Variants in CCDC124 observed in about 807,000 individuals in gnomAD.
The protein encoded by CCDC124 is coiled-coil domain containing 124, also known as coiled-coil domain-containing protein 124.
A neutral mutation model predicts 19.8 loss-of-function variants in CCDC124; 9 were observed. The ratio of observed to expected loss-of-function variants is 0.45; its 90% CI spans 0.27 to 0.79. The LOEUF is 0.79. Among genes scored for constraint, CCDC124 ranks in the 30% least tolerant of loss-of-function variants. The pLI is 0.14. For synonymous variants in CCDC124, 126 were observed against 131.3 expected (o/e 0.96, Z 0.27); for missense variants, 285 against 319.0 (o/e 0.89, Z 0.81).
At position 17,943,706 on chromosome 19, in the gene CCDC124, C is replaced by A. The variant is rs1230733644; in HGVS notation, c.663C>A (p.Ala221=). 6.2e-7 allele frequency: 1 copy of A among 1,612,520 alleles called. No individual in the cohort carries two copies. Among genetic ancestry groups the A allele is most frequent in the African/African-American group, 1.3e-5 (1 of 75,038 alleles). Residue 221 remains alanine, a synonymous_variant, in exon 5 of 5, where the codon GCC becomes GCA. Coordinates refer to ENST00000445755, the MANE Select transcript of CCDC124 (RefSeq NM_001136203.2). ...PMNQRAVPFN[A]PK ...ACCAGCGGGCCGTGCCCTTCAATGC[C>A]CCCAAGTGAGCCCAGAACTTGGGGA...
At chr19:17,936,381 G>T in intron 1 of CCDC124, 29 bp from the exon 2 acceptor site, 5 of 1,576,956 alleles carry the variant, frequency 3.2e-6, no homozygotes, top group Non-Finnish European at 4.3e-6. Flanking sequence ...TCCGGCCCCT[G>T]CTCCCCCATC....
At chr19:17,934,619 T>TA (rs56743845) in intron 1 of CCDC124, among the ~76,000 whole-genome samples, 38,026 of 123,774 alleles carry the variant, frequency 0.31, 5,805 homozygotes, top group African/African-American at 0.37. Flanking sequence ...GACCCTGCCT[T>TA]AAAAAAAAAA....
chr19:17,943,696 C>T lies in CCDC124; in HGVS notation c.653C>T (p.Pro218Leu). The T allele has an allele frequency of 6.2e-7, 1 of 1,612,696 alleles. No individual in the cohort carries two copies. The highest frequency in any genetic ancestry group is 1.1e-5 in the South Asian group (1 of 91,036). The change falls in exon 5 of 5, where the codon CCC (proline) becomes CTC (leucine). Residue 218 changes from proline to leucine, a missense_variant. Pro to Leu is a moderately conservative substitution (Grantham distance 98, BLOSUM62 -3). Coordinates refer to ENST00000445755, the MANE Select transcript of CCDC124 (RefSeq NM_001136203.2). ...AACCCCATGAACCAGCGGGCCGTGCCCTTCAATGCCCCCAAGTGAGCCCAG... is the reference window on the plus strand; with the variant it reads ...AACCCCATGAACCAGCGGGCCGTGCTCTTCAATGCCCCCAAGTGAGCCCAG... ...PDNPMNQRAV[P>L]FNAPK
In CCDC124 at chr19:17,942,730, C is replaced by A; in HGVS notation, c.234C>A (p.Asp78Glu). The A allele has an allele frequency of 6.4e-7, 1 of 1,551,484 alleles. No homozygotes were observed. The highest frequency in any genetic ancestry group is 1.4e-5 in the African/African-American group (1 of 73,470). ...KETQRLLEEE[D>E]SKLKGGKAPR... is the part of the protein sequence containing the mutation. ...CGCAGCGCCTACTGGAGGAGGAGGA[C>A]TCCAAGCTCAAGGGCGGCAAGGCGC... The change falls in exon 3 of 5, where the codon GAC (aspartate) becomes GAA (glutamate). Residue 78 changes from aspartate (D) to glutamate (E), a missense_variant. Asp to Glu is a conservative substitution (Grantham distance 45, BLOSUM62 2). Coordinates refer to ENST00000445755, the MANE Select transcript of CCDC124 (RefSeq NM_001136203.2). This position sits in a 1 kb window ranked among gnomAD's most constrained non-coding sequence, Gnocchi z 4.2.
intron 1 of CCDC124, among the ~76,000 whole-genome samples, chr19:17,933,755 C>T (rs1382011025): frequency 6.6e-6 from 1 of 152,210 alleles, no homozygotes; most frequent in Non-Finnish European, 1.5e-5. Flanking sequence ...AGCCCTTTGA[C>T]CCAGGCTGGG....
intron 1 of CCDC124, chr19:17,936,166 A>T (rs1362206456): frequency 8.0e-6 from 3 of 374,212 alleles, no homozygotes; most frequent in Non-Finnish European, 1.4e-5. Flanking sequence ...CGGCCTCCCA[A>T]AGTGCTGGGA....
intron 4 of CCDC124, 65 bp downstream of exon 4, chr19:17,943,440 G>C: frequency 2.6e-6 from 4 of 1,559,748 alleles, no homozygotes; most frequent in Non-Finnish European, 3.5e-6. Context: ...GGGCTACCTG[G>C]GGGCGGGGCC....
intron 4 of CCDC124, 47 bp downstream of exon 4, chr19:17,943,422 C>CGGGGGCGGGGCTACCT (rs1174898236): frequency 6.4e-5 from 19 of 299,056 alleles, no homozygotes; most frequent in Non-Finnish European, 1.0e-4. Flanking sequence ...AGCTGGTCAT[C>CGGGGGCGGGGCTACCT]GGGGGCGGGG....
chr19:17,942,602 G>A lies in CCDC124; in HGVS notation c.160-54G>A. On this transcript the variant is annotated intron_variant, in intron 2 of 4. Transcript: ENST00000445755. This position sits in a 1 kb window ranked among gnomAD's most constrained non-coding sequence, Gnocchi z 4.2. Reference sequence around the variant, plus strand: ...ATGAAAACTCGAACCCCAGGCTAGTGGGTGGCGCGGGGGTGTGGGGTCTTC... The same window carrying A: ...ATGAAAACTCGAACCCCAGGCTAGTAGGTGGCGCGGGGGTGTGGGGTCTTC... 1 of 1,532,696 alleles carries A rather than the reference G, an allele frequency of 6.5e-7. No individual in the cohort carries two copies. The highest frequency in any genetic ancestry group is 8.8e-7 in the Non-Finnish European group (1 of 1,135,444). 94.9% of individuals were successfully genotyped at this position (1,532,696 alleles called of 1,614,324 possible).
rs2031220042 is a variant in CCDC124 at position 17,942,945 on chromosome 19, G to GGGCTC, written c.349+101_349+105dup. On this transcript the variant is annotated intron_variant, in intron 3 of 4. Coordinates refer to ENST00000445755, the MANE Select transcript of CCDC124 (RefSeq NM_001136203.2). The surrounding 1 kb of genome is among the most constrained non-coding windows in gnomAD (Gnocchi z 4.2). ...CTCCTGGCCCCCAGAGAAGCTGCCG[G>GGGCTC]GGCTCCACGTGGTGCAGGGTGGGTG... The GGGCTC allele has an allele frequency of 7.3e-7, 1 of 1,378,994 alleles. No individual in the cohort carries two copies. The highest frequency in any genetic ancestry group is 1.5e-5 in the African/African-American group (1 of 68,338). The allele number at this position is 1,378,994 out of a possible 1,614,324, so 85.4% of individuals were successfully genotyped here.
rs139484744 is a variant in CCDC124 at position 17,933,511 on chromosome 19, C to T, written c.-12+463C>T. ...TGCCCCTCGCCCAGCCTGAGCCACT[C>T]CCTGGGTACCGCCTGGGCTCCCAGC... On this transcript the variant is annotated intron_variant, in intron 1 of 4. Coordinates refer to ENST00000445755, the MANE Select transcript of CCDC124 (RefSeq NM_001136203.2). Among the ~76,000 whole-genome samples the T allele has an allele frequency of 1.5e-3, 227 of 152,266 alleles. 1 individual carries two copies. Among genetic ancestry groups the T allele is most frequent in the African/African-American group, 5.1e-3 (211 of 41,566 alleles).
intron 3 of CCDC124, 67 bp from the exon 4 acceptor site, chr19:17,943,194 T>C (rs2031226366): frequency 7.8e-7 from 1 of 1,283,364 alleles, no homozygotes. Context: ...AGTCTCTATC[T>C]CATCTCCTTG....
intron 2 of CCDC124, among the ~76,000 whole-genome samples, chr19:17,937,330 G>C (rs1300232738): frequency 6.6e-6 from 1 of 152,086 alleles, no homozygotes; most frequent in Non-Finnish European, 1.5e-5. Context: ...GCAGAGGGGA[G>C]GGAGGCAGAG....
intron 2 of CCDC124, among the ~76,000 whole-genome samples, chr19:17,938,477 C>T (rs1297246503): frequency 6.6e-6 from 1 of 152,188 alleles, no homozygotes; most frequent in East Asian, 1.9e-4. Context: ...GTTTCCACAC[C>T]CTGGGTAGCT....
intron 2 of CCDC124, among the ~76,000 whole-genome samples, chr19:17,938,837 T>C (rs2031115945): frequency 6.6e-6 from 1 of 151,610 alleles, no homozygotes; most frequent in South Asian, 2.1e-4. Flanking sequence ...GCTCAAACAG[T>C]CCTCCCACCT....
rs920230194 is a variant in CCDC124 at position 17,942,544 on chromosome 19, C to T, written c.160-112C>T. ...TCTTGTTCCTGGTATGTCCCCTGCA[C>T]CCAGCACAGAGCCTAAATCCTCGTT... is the stretch of plus-strand genomic sequence containing the variant. On this transcript the variant is annotated intron_variant, in intron 2 of 4. Transcript: ENST00000445755. The surrounding 1 kb of genome is among the most constrained non-coding windows in gnomAD (Gnocchi z 4.2). The T allele has an allele frequency of 3.8e-5, 47 of 1,252,310 alleles. No homozygotes were observed. The highest frequency in any genetic ancestry group is 4.8e-5 in the Non-Finnish European group (43 of 898,910). 77.6% of individuals were successfully genotyped at this position (1,252,310 alleles called of 1,614,324 possible).
At chr19:17,940,424 C>T (rs895312536) in intron 2 of CCDC124, among the ~76,000 whole-genome samples, 12 of 152,100 alleles carry the variant, frequency 7.9e-5, no homozygotes, top group African/African-American at 2.9e-4. Flanking sequence ...GCATGAAGGC[C>T]ACCACTGACA....
At chr19:17,937,783 G>T (rs4808723) in intron 2 of CCDC124, among the ~76,000 whole-genome samples, 19,920 of 151,950 alleles carry the variant, frequency 0.13, 2,971 homozygotes, top group African/African-American at 0.37. Context: ...GCCCAGGCTG[G>T]AGTGCAATGG....
At chr19:17,933,605 C>T (rs2030992309) in intron 1 of CCDC124, among the ~76,000 whole-genome samples, 1 of 152,168 alleles carries the variant, frequency 6.6e-6, no homozygotes, top group Non-Finnish European at 1.5e-5. Context: ...GATTGGGCTT[C>T]CCGGCTCTAA....
Sources: allele counts gnomAD v4.1 joint callset (sites outside exome capture counted in the v4.1 genomes callset), GRCh38; gene constraint gnomAD v4.1.1; non-coding constraint Gnocchi (gnomAD v3.1); transcripts MANE v1.5; gene names NCBI Gene and HGNC (gene_info 2026-07-23, HGNC 2026-07-21).